Variants in SPIDR observed in about 807,000 individuals in gnomAD.
The protein encoded by SPIDR is DNA repair-scaffolding protein.
Under a neutral mutation model 104.6 loss-of-function variants are expected in SPIDR, and 93 were observed. The ratio of observed to expected loss-of-function variants is 0.89; its 90% CI spans 0.75 to 1.06. SPIDR has a LOEUF of 1.06. Ranked by LOEUF, SPIDR falls within the 50% of genes least tolerant of loss-of-function variation. The pLI, the probability that SPIDR is intolerant of heterozygous loss-of-function variation, is 0.00. For missense variants in SPIDR, 1,154 were observed against 1,111.2 expected (o/e 1.04, Z -0.55); for synonymous variants, 431 against 416.9 (o/e 1.03, Z -0.41).
At chr8:47,462,427 C>T (rs73565249) in intron 8 of SPIDR, among the ~76,000 whole-genome samples, 3,455 of 152,226 alleles carry the variant, frequency 0.023, 141 homozygotes, top group African/African-American at 0.08. Context: ...ATGCGAGTCT[C>T]TGTGAGCTGC....
rs782279584 is a variant in SPIDR, at chr8:47,277,448, C to G, written c.34-2414C>G. 2.4e-4 allele frequency among the ~76,000 whole-genome samples: 37 copies of G among 151,860 alleles called. No individual in the cohort carries two copies. The South Asian group carries it at 7.1e-3, about 29-fold the overall frequency. The stretch of plus-strand genomic sequence containing the variant: ...TGGCGTGATTATAGCTTACTGCAGC[C>G]TCAAACTCCTGGGCTCAAGCGATTG... On this transcript the variant is annotated intron_variant, in intron 1 of 19. Coordinates refer to ENST00000297423, the MANE Select transcript of SPIDR (RefSeq NM_001080394.4).
intron 10 of SPIDR, among the ~76,000 whole-genome samples, chr8:47,638,037 T>G (rs1431272259): frequency 6.6e-6 from 1 of 152,236 alleles, no homozygotes; most frequent in Admixed American, 6.5e-5. Flanking sequence ...ATTTATTTTG[T>G]TGTTCACATT....
At chr8:47,497,511 C>G (rs556268407) in intron 8 of SPIDR, among the ~76,000 whole-genome samples, 1 of 152,192 alleles carries the variant, frequency 6.6e-6, no homozygotes, top group South Asian at 2.1e-4. Context: ...TGTGAATTTT[C>G]CAAATTTCTT....
At chr8:47,605,653 A>C (rs947389517) in intron 10 of SPIDR, among the ~76,000 whole-genome samples, 1 of 152,194 alleles carries the variant, frequency 6.6e-6, no homozygotes, top group Non-Finnish European at 1.5e-5. Context: ...AGACTGGGGC[A>C]AATTGTGTTT....
At chr8:47,624,815 G>A (rs2065782334) in intron 10 of SPIDR, among the ~76,000 whole-genome samples, 1 of 152,140 alleles carries the variant, frequency 6.6e-6, no homozygotes, top group Non-Finnish European at 1.5e-5. Context: ...GGTACAAGGA[G>A]GAGCTGGTAC....
chr8:47,379,320 A>G (rs940512646), intron 5 of SPIDR, among the ~76,000 whole-genome samples: 4 of 152,182 alleles, frequency 2.6e-5, no homozygotes, highest in African/African-American at 9.7e-5. Flanking sequence ...GAGTGGGCGG[A>G]TGGCTTGAGT....
At chr8:47,637,070 A>G (rs1035141202) in intron 10 of SPIDR, among the ~76,000 whole-genome samples, 1 of 152,234 alleles carries the variant, frequency 6.6e-6, no homozygotes, top group Admixed American at 6.5e-5. Context: ...CATAGATGTG[A>G]TTTTTTAATT....
At chr8:47,469,819 A>G (rs2075420206) in intron 8 of SPIDR, among the ~76,000 whole-genome samples, 1 of 152,210 alleles carries the variant, frequency 6.6e-6, no homozygotes, top group South Asian at 2.1e-4. Context: ...AATTTCTATT[A>G]TATGTTACCT....
intron 7 of SPIDR, among the ~76,000 whole-genome samples, chr8:47,425,631 T>G (rs897127641): frequency 1.3e-5 from 2 of 152,220 alleles, no homozygotes; most frequent in Non-Finnish European, 2.9e-5. Flanking sequence ...GTAATAGATT[T>G]TAAATGTTCC....
At chr8:47,659,104 A>G (rs1381016102) in intron 10 of SPIDR, among the ~76,000 whole-genome samples, 1 of 152,016 alleles carries the variant, frequency 6.6e-6, no homozygotes, top group Non-Finnish European at 1.5e-5. Flanking sequence ...CCAAAAATAC[A>G]AAAATTAGCT....
chr8:47,321,307 AAGAG>A (rs1183199268), intron 5 of SPIDR, among the ~76,000 whole-genome samples: 29 of 141,844 alleles, frequency 2.0e-4, no homozygotes, highest in African/African-American at 6.9e-4. Flanking sequence ...ATAACAGAGA[AAGAG>A]AGAGCCAAAT....
At chr8:47,507,488 A>T (rs988429959) in intron 8 of SPIDR, among the ~76,000 whole-genome samples, 3 of 152,222 alleles carry the variant, frequency 2.0e-5, no homozygotes, top group Admixed American at 2.0e-4. Flanking sequence ...CTCCATCTGG[A>T]TACGAGCTCC....
chr8:47,733,647 T>A (rs1180191896), intron 19 of SPIDR, among the ~76,000 whole-genome samples: 3 of 152,028 alleles, frequency 2.0e-5, no homozygotes, highest in Non-Finnish European at 4.4e-5. Context: ...TGCTTCTGTA[T>A]CCCCTGGTGT....
rs2059573445 is a variant in SPIDR, at chr8:47,383,651, C to T, written c.526-12725C>T. ...TCATTCTAAGAAAATAGATTTAGAG[C>T]GTTGTCGCCACTGCTGATGGTTCTG... On this transcript the variant is annotated intron_variant, in intron 5 of 19. Transcript: ENST00000297423. 2.0e-5 allele frequency among the ~76,000 whole-genome samples: 3 copies of T among 152,092 alleles called. No individual in the cohort carries two copies. The South Asian group carries it at 6.2e-4, about 32-fold the overall frequency.
At position 47,712,703 on chromosome 8, in the gene SPIDR, G is replaced by A. The variant is rs1453707415; in HGVS notation, c.2019G>A (p.Leu673=). The stretch of plus-strand genomic sequence containing the variant: ...TTCTGGAGCAAAGGGAGATCTGGCT[G>A]CTAGTGACCGATGTCACTCTGCAAA... ...LLLLEQREIW[L]LVTDVTLQTK... The change falls in exon 15 of 20, where the codon CTG becomes CTA. Residue 673 remains leucine (L), a synonymous_variant. Transcript: ENST00000297423. The A allele has an allele frequency of 6.2e-7, 1 of 1,614,172 alleles. No individual in the cohort carries two copies. Among genetic ancestry groups the A allele is most frequent in the Admixed American group, 1.7e-5 (1 of 60,030 alleles).
intron 7 of SPIDR, among the ~76,000 whole-genome samples, chr8:47,432,980 A>G (rs1308611496): frequency 6.6e-6 from 1 of 152,208 alleles, no homozygotes; most frequent in Non-Finnish European, 1.5e-5. Flanking sequence ...CTCAGTCTTA[A>G]TGTATTAAAA....
chr8:47,440,527 G>A lies in SPIDR; in HGVS notation c.1082G>A (p.Arg361Gln), dbSNP rs782598408. 15 of 1,613,822 alleles carry A rather than the reference G, an allele frequency of 9.3e-6. No individual in the cohort carries two copies. Among genetic ancestry groups the A allele is most frequent in the East Asian group, 8.9e-5 (4 of 44,888 alleles). The change falls in exon 8 of 20, where the codon CGG becomes CAG. Residue 361 changes from arginine to glutamine, a missense_variant. Transcript: ENST00000297423. ...AGGGGCCGTCCCCAGGACACTGTCC[G>A]GATCTTCCCTCCCTGGTGAGTGCGC... ...YLRGRPQDTV[R>Q]IFPPWQKLII...
chr8:47,294,284 G>A (rs2040449108), intron 5 of SPIDR: 1 of 396,598 alleles, frequency 2.5e-6, no homozygotes, highest in African/African-American at 2.1e-5. Context: ...TTTTTATCCT[G>A]CTATTCTTCC....
chr8:47,313,917 T>C (rs1026170434), intron 5 of SPIDR, among the ~76,000 whole-genome samples: 50 of 152,342 alleles, frequency 3.3e-4, no homozygotes, highest in Admixed American at 6.5e-4. Context: ...AGAAAATCTT[T>C]ATACTACAAG....
Sources: gnomAD v4.1 joint callset for allele counts (sites outside exome capture counted in the v4.1 genomes callset) on GRCh38, gnomAD v4.1.1 for gene constraint, MANE v1.5 for transcripts, NCBI Gene and HGNC (gene_info 2026-07-23, HGNC 2026-07-21) for gene names.